The following C1orf21 variants were observed in gnomAD, a reference collection of about 807,000 sequenced individuals.
C1orf21 encodes uncharacterized protein C1orf21.
C1orf21 carries 3 observed loss-of-function variants against 18.7 expected under a neutral mutation model. That is an observed-to-expected ratio of 0.16 (90% confidence interval 0.07 to 0.42). The LOEUF is 0.42. Ranked by LOEUF, C1orf21 falls within the 10% of genes least tolerant of loss-of-function variation. The probability of loss-of-function intolerance (pLI) is 0.99; values close to 1 mark genes in which losing one functional copy is unlikely to be tolerated. For missense variants in C1orf21, 104 were observed against 143.6 expected (o/e 0.72, Z 1.41); for synonymous variants, 41 against 46.4 (o/e 0.88, Z 0.47).
intron 1 of C1orf21, among the ~76,000 whole-genome samples, chr1:184,474,387 A>G (rs187038817): frequency 2.5e-3 from 374 of 152,278 alleles, no homozygotes; most frequent in African/African-American, 8.7e-3. Context: ...TGCTTGAATA[A>G]TAGAGACATC....
intron 3 of C1orf21, among the ~76,000 whole-genome samples, chr1:184,509,754 T>G (rs1326456858): frequency 6.6e-6 from 1 of 152,170 alleles, no homozygotes; most frequent in African/African-American, 2.4e-5. Context: ...ATACTTATTT[T>G]ACGAATGATA....
At chr1:184,407,061 C>T (rs1176267478) in intron 1 of C1orf21, among the ~76,000 whole-genome samples, 1 of 152,066 alleles carries the variant, frequency 6.6e-6, no homozygotes, top group South Asian at 2.1e-4. Flanking sequence ...GCCTCAGGCT[C>T]CTGGGCTCAA....
At chr1:184,501,539 C>T (rs955145894) in intron 2 of C1orf21, among the ~76,000 whole-genome samples, 6 of 152,190 alleles carry the variant, frequency 3.9e-5, no homozygotes, top group African/African-American at 1.4e-4. Flanking sequence ...ACTGTACACA[C>T]TACTTTCTTA....
chr1:184,400,125 A>C (rs1200978215), intron 1 of C1orf21, among the ~76,000 whole-genome samples: 1 of 152,096 alleles, frequency 6.6e-6, no homozygotes, highest in Non-Finnish European at 1.5e-5. Flanking sequence ...GTCCAGTGTG[A>C]GACTCTTTAA....
At chr1:184,395,286 A>C (rs2101954268) in intron 1 of C1orf21, among the ~76,000 whole-genome samples, 1 of 152,246 alleles carries the variant, frequency 6.6e-6, no homozygotes, top group African/African-American at 2.4e-5. Context: ...TGATTGATTG[A>C]CAGCTTGTCA....
chr1:184,616,049 C>G (rs1243880898), intron 5 of C1orf21, among the ~76,000 whole-genome samples: 2 of 152,198 alleles, frequency 1.3e-5, no homozygotes, highest in African/African-American at 4.8e-5. Context: ...TAACCATCCC[C>G]TCTTCATCCT....
intron 1 of C1orf21, among the ~76,000 whole-genome samples, chr1:184,455,895 G>C (rs1248384944): frequency 1.3e-5 from 2 of 152,210 alleles, no homozygotes; most frequent in Non-Finnish European, 2.9e-5. Flanking sequence ...TATAGGTGTA[G>C]AGTGTTAAAG....
rs568315470 is a variant in C1orf21, at chr1:184,557,004, A to G, written c.190-33735A>G. On this transcript the variant is annotated intron_variant, in intron 3 of 5. Coordinates refer to ENST00000235307, the MANE Select transcript of C1orf21 (RefSeq NM_030806.4). The stretch of plus-strand genomic sequence containing the variant: ...TTTATATTCATTTTTATCTTGCTCC[A>G]AACAATATGTAGTTTCTCCTCATTG... Among the ~76,000 whole-genome samples the G allele has an allele frequency of 2.6e-5, 4 of 152,300 alleles. No individual in the cohort carries two copies. The East Asian group carries it at 7.7e-4, about 29-fold the overall frequency.
At chr1:184,555,348 G>C (rs965309071) in intron 3 of C1orf21, among the ~76,000 whole-genome samples, 3 of 152,158 alleles carry the variant, frequency 2.0e-5, no homozygotes, top group Non-Finnish European at 2.9e-5. Flanking sequence ...ATTGGTGGTA[G>C]GCAGAGGCCC....
At chr1:184,595,943 A>G (rs767706083) in intron 4 of C1orf21, among the ~76,000 whole-genome samples, 5 of 152,162 alleles carry the variant, frequency 3.3e-5, no homozygotes. Flanking sequence ...CAGCATTTCT[A>G]TATTATGGGA....
At chr1:184,583,995 T>C (rs1659316792) in intron 3 of C1orf21, among the ~76,000 whole-genome samples, 1 of 152,186 alleles carries the variant, frequency 6.6e-6, no homozygotes, top group Non-Finnish European at 1.5e-5. Context: ...ACCTCAGATA[T>C]TGCATAGCTC....
At chr1:184,512,969 A>G (rs1571393466) in intron 3 of C1orf21, among the ~76,000 whole-genome samples, 1 of 152,222 alleles carries the variant, frequency 6.6e-6, no homozygotes, top group African/African-American at 2.4e-5. Flanking sequence ...TGAGATTCTC[A>G]TAGGAGAACA....
Position 184,507,601 on chromosome 1 carries a change from C to G in C1orf21, c.108C>G (p.Ile36Met). The change falls in exon 3 of 6, where the codon ATC becomes ATG. Residue 36 changes from isoleucine to methionine, a missense_variant. Physicochemically the swap from Ile to Met is conservative, Grantham distance 10. Transcript: ENST00000235307. ...TTTGGCACTCAGATGAGTATAGGAT[C>G]AAACCAGTGGAAGAGGTCAAATACA... ...NGDVFGDEYR[I>M]KPVEEVKYMK... 1 of 1,605,640 alleles carries G rather than the reference C, an allele frequency of 6.2e-7. No homozygotes were observed. Among genetic ancestry groups the G allele is most frequent in the Non-Finnish European group, 8.5e-7 (1 of 1,177,270 alleles).
chr1:184,471,182 C>A (rs1188344207), intron 1 of C1orf21, among the ~76,000 whole-genome samples: 3 of 152,112 alleles, frequency 2.0e-5, no homozygotes, highest in Admixed American at 6.6e-5. Flanking sequence ...CTTTTTCTAA[C>A]CAGCTCCCTA....
chr1:184,393,012 A>G (rs1234240433), intron 1 of C1orf21, among the ~76,000 whole-genome samples: 1 of 151,434 alleles, frequency 6.6e-6, no homozygotes, highest in African/African-American at 2.4e-5. Flanking sequence ...GTTTTTTTCT[A>G]GAGATGAGGT....
chr1:184,495,842 C>T (rs1383051305), intron 2 of C1orf21, among the ~76,000 whole-genome samples: 5 of 146,562 alleles, frequency 3.4e-5, no homozygotes, highest in East Asian at 2.0e-4. Flanking sequence ...TGCTTGAACC[C>T]GGGAGGCAGA....
At position 184,599,807 on chromosome 1, in the gene C1orf21, G is replaced by A. The variant is rs1659563241; in HGVS notation, c.327+1346G>A. On this transcript the variant is annotated intron_variant, in intron 5 of 5. Transcript: ENST00000235307. ...CGAAATCCAAAATGCTCCAAAATCT[G>A]TAACTTTTTGAGTGCAGACATGATG... is the stretch of plus-strand genomic sequence containing the variant. Among the ~76,000 whole-genome samples the A allele has an allele frequency of 2.6e-5, 4 of 152,280 alleles. No homozygotes were observed. The South Asian group carries it at 8.3e-4, about 32-fold the overall frequency.
At chr1:184,427,531 G>T (rs912011078) in intron 1 of C1orf21, among the ~76,000 whole-genome samples, 6 of 152,058 alleles carry the variant, frequency 3.9e-5, no homozygotes, top group African/African-American at 1.2e-4. Flanking sequence ...GTGGAGTCTG[G>T]GTCCCTGGAA....
chr1:184,477,289 A>C (rs1657584932), intron 1 of C1orf21, 97 bp from the exon 2 acceptor site: 1 of 494,236 alleles, frequency 2.0e-6, no homozygotes, highest in Non-Finnish European at 3.6e-6. Flanking sequence ...TCTGTGCATG[A>C]CTTCTAGTAT....
Sources: gnomAD v4.1 joint callset for allele counts (sites outside exome capture counted in the v4.1 genomes callset) on GRCh38, gnomAD v4.1.1 for gene constraint, MANE v1.5 for transcripts, NCBI Gene and HGNC (gene_info 2026-07-23, HGNC 2026-07-21) for gene names.